The following KIF17 variants were observed in gnomAD, a reference collection of about 807,000 sequenced individuals.
The protein encoded by KIF17 is kinesin-like protein KIF17.
A neutral mutation model predicts 96.8 loss-of-function variants in KIF17; 80 were observed. The ratio of observed to expected loss-of-function variants is 0.83; its 90% CI spans 0.69 to 1.00. KIF17 has a LOEUF of 1.00. Among genes scored for constraint, KIF17 ranks in the 50% least tolerant of loss-of-function variants. KIF17 has a pLI of 0.00. For synonymous variants in KIF17, 567 were observed against 587.5 expected (o/e 0.97, Z 0.51); for missense variants, 1,280 against 1,372.9 (o/e 0.93, Z 1.07).
intron 5 of KIF17, among the ~76,000 whole-genome samples, chr1:20,703,391 T>C (rs1570471547): frequency 6.7e-6 from 1 of 149,956 alleles, no homozygotes; most frequent in Non-Finnish European, 1.5e-5. Flanking sequence ...TATGGATGGG[T>C]GGGTGGGTGG....
intron 5 of KIF17, 133 bp from the exon 6 acceptor site, chr1:20,698,621 T>A: frequency 6.3e-6 from 4 of 637,892 alleles, no homozygotes; most frequent in South Asian, 5.3e-5. Context: ...TTCAAACACA[T>A]CTCCATGTAA....
Position 20,709,224 on chromosome 1 carries a change from C to G in KIF17, c.670+415G>C, listed in dbSNP as rs2054393547. On this transcript the variant is annotated intron_variant, in intron 4 of 14. Coordinates refer to ENST00000400463, the MANE Select transcript of KIF17 (RefSeq NM_001122819.3). This position sits in a 1 kb window ranked among gnomAD's most constrained non-coding sequence, Gnocchi z 4.7. Reference sequence around the variant, plus strand: ...TGGGCAACACAGCAAGACCCCGTCTCTACAAAAAATTAGCCAGGCATGGTG... The same window carrying G: ...TGGGCAACACAGCAAGACCCCGTCTGTACAAAAAATTAGCCAGGCATGGTG... Among the ~76,000 whole-genome samples the G allele has an allele frequency of 6.6e-6, 1 of 152,074 alleles. No homozygotes were observed. Among genetic ancestry groups the G allele is most frequent in the Admixed American group, 6.6e-5 (1 of 15,264 alleles).
At position 20,709,809 on chromosome 1, in the gene KIF17, T is replaced by G; in HGVS notation, c.500A>C (p.Lys167Thr). 1 of 1,612,064 alleles carries G rather than the reference T, an allele frequency of 6.2e-7. No individual in the cohort carries two copies. Among genetic ancestry groups the G allele is most frequent in the Non-Finnish European group, 8.5e-7 (1 of 1,179,130 alleles). The change falls in exon 4 of 15, where the codon AAG becomes ACG. Residue 167 changes from lysine (K) to threonine (T), a missense_variant. Transcript: ENST00000400463. The surrounding 1 kb of genome is among the most constrained non-coding windows in gnomAD (Gnocchi z 4.7). ...GGACAGCCCCTTCACGTACACGCCC[T>G]TCTCTGGGTGCTCCTTCAGCTGAGG... ...QKLELKEHPE[K>T]GVYVKGLSMH...
At chr1:20,706,641 C>T (rs1417541709) in intron 4 of KIF17, among the ~76,000 whole-genome samples, 1 of 151,904 alleles carries the variant, frequency 6.6e-6, no homozygotes, top group Non-Finnish European at 1.5e-5. Context: ...CCTGTAATCC[C>T]AGCACTTTGG....
chr1:20,697,194 C>T (rs2054157411), intron 6 of KIF17, among the ~76,000 whole-genome samples: 1 of 152,198 alleles, frequency 6.6e-6, no homozygotes, highest in African/African-American at 2.4e-5. Context: ...TGAGGACGGA[C>T]CCCAGTGGGA....
Position 20,687,760 on chromosome 1 carries a change from C to T in KIF17, c.1566G>A (p.Ala522=), listed in dbSNP as rs75925314. 3,493 of 1,614,172 alleles carry T rather than the reference C, an allele frequency of 2.2e-3. 64 individuals carry two copies. The African/African-American group carries it at 0.036, about 17-fold the overall frequency. ...VSKTQVSSRF[A]ELPKVEPSKS... is the part of the protein sequence containing the mutation. ...TGGAGGGTTCCACCTTGGGCAGCTCCGCAAACCTGGAGGAAACCTGAGTCT... is the reference window on the plus strand; with the variant it reads ...TGGAGGGTTCCACCTTGGGCAGCTCTGCAAACCTGGAGGAAACCTGAGTCT... Residue 522 remains alanine, a synonymous_variant, in exon 8 of 15, where the codon GCG becomes GCA. Transcript: ENST00000400463. The surrounding 1 kb of genome is among the most constrained non-coding windows in gnomAD (Gnocchi z 4.4).
In KIF17 at chr1:20,717,753, C is replaced by T. The variant is rs1410780918; in HGVS notation, c.-47G>A. On this transcript the variant is annotated 5_prime_UTR_variant, in exon 1 of 15. Transcript: ENST00000400463. Reference sequence around the variant, plus strand: ...GGGACCAGAGCTGACCCCCGCCCCGCCGGGGACTCCCAGCAGCCCGGGCCA... The same window carrying T: ...GGGACCAGAGCTGACCCCCGCCCCGTCGGGGACTCCCAGCAGCCCGGGCCA... 1.3e-6 allele frequency: 2 copies of T among 1,503,046 alleles called. No individual in the cohort carries two copies. The highest frequency in any genetic ancestry group is 1.8e-6 in the Non-Finnish European group (2 of 1,133,402). 93.1% of individuals were successfully genotyped at this position (1,503,046 alleles called of 1,614,324 possible).
At chr1:20,686,172 CA>C in intron 8 of KIF17, 46 bp from the exon 9 acceptor site, 2 of 1,495,020 alleles carry the variant, frequency 1.3e-6, no homozygotes, top group East Asian at 2.5e-5. Context: ...TGATTTGGGC[CA>C]GAACCATCCT....
chr1:20,667,325 A>G (rs1482852181), intron 13 of KIF17, among the ~76,000 whole-genome samples: 1 of 152,168 alleles, frequency 6.6e-6, no homozygotes, highest in Admixed American at 6.5e-5. Flanking sequence ...ATGAGAATCT[A>G]ATGCCTGAAG....
intron 10 of KIF17, among the ~76,000 whole-genome samples, chr1:20,683,935 C>T (rs926017813): frequency 4.0e-5 from 6 of 151,750 alleles, no homozygotes; most frequent in Non-Finnish European, 2.9e-5. Flanking sequence ...CTTCCCTCCA[C>T]ACCACACTGT....
intron 11 of KIF17, among the ~76,000 whole-genome samples, chr1:20,676,909 G>T (rs2053749285): frequency 6.6e-6 from 1 of 151,332 alleles, no homozygotes; most frequent in African/African-American, 2.4e-5. Context: ...TAACAAAGTG[G>T]TAAAAATCCA....
At chr1:20,689,480 G>C (rs1384108259) in intron 7 of KIF17, among the ~76,000 whole-genome samples, 1 of 152,052 alleles carries the variant, frequency 6.6e-6, no homozygotes, top group Non-Finnish European at 1.5e-5. Flanking sequence ...ACGAAATCCC[G>C]TCTCTACTGA....
chr1:20,705,030 A>G, intron 4 of KIF17, 131 bp from the exon 5 acceptor site: 1 of 782,720 alleles, frequency 1.3e-6, no homozygotes, highest in South Asian at 1.4e-5. Context: ...GAGCCCCAGG[A>G]AGCAGGTGCT....
chr1:20,713,573 A>C lies in KIF17; in HGVS notation c.379-18T>G. On this transcript the variant is annotated intron_variant, in intron 2 of 14. Coordinates refer to ENST00000400463, the MANE Select transcript of KIF17 (RefSeq NM_001122819.3). ...TCTGCACACTGCAGGGAGTACACAG[A>C]AAGAACCTAGACCTCAGAGCTCGAA... The C allele has an allele frequency of 3.8e-6, 6 of 1,595,536 alleles. No individual in the cohort carries two copies. Among genetic ancestry groups the C allele is most frequent in the Non-Finnish European group, 5.1e-6 (6 of 1,166,306 alleles).
chr1:20,692,033 T>A (rs1284754803), intron 6 of KIF17, among the ~76,000 whole-genome samples: 2 of 152,222 alleles, frequency 1.3e-5, no homozygotes, highest in Non-Finnish European at 2.9e-5. Flanking sequence ...ACAGCCATAG[T>A]GCCCACCCAG....
intron 2 of KIF17, 139 bp from the exon 3 acceptor site, chr1:20,713,694 ACCCAACCCG>A: frequency 1.4e-6 from 1 of 712,284 alleles, no homozygotes; most frequent in South Asian, 1.5e-5. Context: ...GGAGTCTCCA[ACCCAACCCG>A]CCCTGCTGGC....
chr1:20,697,597 G>A (rs1186716700), intron 6 of KIF17, among the ~76,000 whole-genome samples: 2 of 152,252 alleles, frequency 1.3e-5, no homozygotes, highest in East Asian at 1.9e-4. Context: ...ACAACAAGAC[G>A]CTGTCTCAAA....
At chr1:20,689,772 AAAGT>A (rs1316900019) in intron 7 of KIF17, among the ~76,000 whole-genome samples, 1 of 145,368 alleles carries the variant, frequency 6.9e-6, no homozygotes, top group Non-Finnish European at 1.6e-5. Flanking sequence ...GAGAGGCTCA[AAAGT>A]AAGAGGAGAC....
At chr1:20,701,411 G>A (rs12736914) in intron 5 of KIF17, among the ~76,000 whole-genome samples, 10,242 of 151,992 alleles carry the variant, frequency 0.067, 561 homozygotes, top group African/African-American at 0.15. Context: ...AGCCTGGGCG[G>A]CAGAGCAAGA....
Sources: gnomAD v4.1 joint callset for allele counts (sites outside exome capture counted in the v4.1 genomes callset) on GRCh38, gnomAD v4.1.1 for gene constraint, Gnocchi (gnomAD v3.1) non-coding constraint, MANE v1.5 for transcripts, NCBI Gene and HGNC (gene_info 2026-07-23, HGNC 2026-07-21) for gene names.